The following LMLN variants were observed in gnomAD, a reference collection of about 807,000 sequenced individuals.
LMLN encodes the protein leishmanolysin like peptidase.
Under a neutral mutation model 92.3 loss-of-function variants are expected in LMLN, and 70 were observed. That is an observed-to-expected ratio of 0.76 (90% confidence interval 0.63 to 0.92). The LOEUF is 0.92. Ranked by LOEUF, LMLN falls within the 40% of genes least tolerant of loss-of-function variation. The pLI is 0.00. For missense variants in LMLN, 691 were observed against 814.6 expected, an observed-to-expected ratio of 0.85 and a Z score of 1.85; for synonymous variants, 308 against 296.2, an observed-to-expected ratio of 1.04 and a Z score of -0.41.
At chr3:197,991,303 G>A (rs200704522) in intron 9 of LMLN, among the ~76,000 whole-genome samples, 4 of 151,806 alleles carry the variant, frequency 2.6e-5, no homozygotes, top group Non-Finnish European at 5.9e-5. Context: ...ATGAGGTCTC[G>A]CTATGTTGCC....
intron 11 of LMLN, among the ~76,000 whole-genome samples, chr3:198,001,441 G>C (rs1008959216): frequency 6.6e-6 from 1 of 152,124 alleles, no homozygotes; most frequent in Non-Finnish European, 1.5e-5. Context: ...TGCGCTCATC[G>C]ACATGTACCT....
chr3:198,021,158 A>G (rs1170648953), intron 12 of LMLN, among the ~76,000 whole-genome samples: 1 of 152,188 alleles, frequency 6.6e-6, no homozygotes, highest in Non-Finnish European at 1.5e-5. Context: ...CTTTTTGCTC[A>G]GTGTAATTAA....
chr3:197,966,955 G>C (rs1266978605), intron 1 of LMLN, among the ~76,000 whole-genome samples: 5 of 151,944 alleles, frequency 3.3e-5, no homozygotes, highest in African/African-American at 1.2e-4. Context: ...CACCACACCT[G>C]GTTCATTTAT....
rs573930088 is a variant in LMLN at position 197,991,569 on chromosome 3, G to A, written c.1047+893G>A. ...GGGAGGTCAGTCTTTGTTCTCTTCC[G>A]GCCTTCTCCTGATTGGGTGATGCCT... On this transcript the variant is annotated intron_variant, in intron 9 of 15. Transcript: ENST00000330198. 2.8e-4 allele frequency among the ~76,000 whole-genome samples: 42 copies of A among 152,132 alleles called. 1 individual carries two copies. In the Middle Eastern group the frequency reaches 0.01, roughly 37 times the overall value.
chr3:198,000,576 C>T (rs1560145532), intron 11 of LMLN, among the ~76,000 whole-genome samples: 1 of 152,122 alleles, frequency 6.6e-6, no homozygotes, highest in East Asian at 1.9e-4. Flanking sequence ...TACAGGCGTG[C>T]ATCACCACAC....
rs752577926 is a variant in LMLN at position 197,975,087 on chromosome 3, C to A, written c.348+15C>A. 7 of 1,383,608 alleles carry A rather than the reference C, an allele frequency of 5.1e-6. No homozygotes were observed. In the Admixed American group the frequency reaches 7.7e-5, roughly 15 times the overall value. 85.7% of individuals were successfully genotyped at this position (1,383,608 alleles called of 1,614,324 possible). A position where few individuals can be genotyped will look rare whatever the true frequency, so the allele number is the denominator to read the frequency against. ...ATCTTGTAAAGGTATGTAATAAATA[C>A]TCATAACTTGAATTGGACACTTAAA... is the stretch of plus-strand genomic sequence containing the variant. On this transcript the variant is annotated intron_variant, in intron 3 of 15. Transcript: ENST00000330198.
intron 1 of LMLN, among the ~76,000 whole-genome samples, chr3:197,965,553 A>T (rs1432924261): frequency 6.6e-6 from 1 of 152,046 alleles, no homozygotes; most frequent in Non-Finnish European, 1.5e-5. Context: ...TTCTGTAGTT[A>T]TTGAATATAG....
chr3:198,030,153 A>G (rs1723040476), intron 14 of LMLN, among the ~76,000 whole-genome samples: 1 of 152,124 alleles, frequency 6.6e-6, no homozygotes, highest in Admixed American at 6.5e-5. Context: ...CTGCTTTTTT[A>G]TTTTTAAAAA....
At chr3:198,039,773 C>G (rs1241655568) in exon 16 of LMLN, 1 of 152,148 alleles carries the variant, frequency 6.6e-6, no homozygotes, top group Non-Finnish European at 1.5e-5. Context: ...GCTGGTAGCC[C>G]TCTATTCATC....
At chr3:198,032,113 A>AAAAAG (rs1207045886) in intron 14 of LMLN, among the ~76,000 whole-genome samples, 1 of 151,776 alleles carries the variant, frequency 6.6e-6, no homozygotes, top group Non-Finnish European at 1.5e-5. Context: ...AAAAAAAAAA[A>AAAAAG]AAAAGAAAAG....
intron 14 of LMLN, among the ~76,000 whole-genome samples, chr3:198,028,751 C>T (rs2109948678): frequency 6.6e-6 from 1 of 152,292 alleles, no homozygotes; most frequent in East Asian, 1.9e-4. Flanking sequence ...AAAGCCTTTC[C>T]CAGCCCCGTC....
chr3:198,025,334 T>C lies in LMLN; in HGVS notation c.1656+546T>C, dbSNP rs1293095126. ...TAATAGAGTGTTTTTTCCTTTGTAA[T>C]TAGAAATCCAAAAAGGGCAAACTAC... On this transcript the variant is annotated intron_variant, in intron 14 of 15. Transcript: ENST00000330198. The surrounding 1 kb of genome is among the most constrained non-coding windows in gnomAD (Gnocchi z 4.3). Among the ~76,000 whole-genome samples, 1 of 152,204 alleles carries C rather than the reference T, an allele frequency of 6.6e-6. No homozygotes were observed. Among genetic ancestry groups the C allele is most frequent in the Non-Finnish European group, 1.5e-5 (1 of 68,038 alleles).
At chr3:197,989,844 C>A (rs1721816050) in intron 8 of LMLN, among the ~76,000 whole-genome samples, 2 of 152,142 alleles carry the variant, frequency 1.3e-5, no homozygotes, top group South Asian at 4.1e-4. Context: ...CAAAACATAG[C>A]AGATCTTGTC....
chr3:198,025,434 C>T lies in LMLN; in HGVS notation c.1656+646C>T, dbSNP rs1380946869. Among the ~76,000 whole-genome samples, 1 of 152,062 alleles carries T rather than the reference C, an allele frequency of 6.6e-6. No individual in the cohort carries two copies. Among genetic ancestry groups the T allele is most frequent in the East Asian group, 1.9e-4 (1 of 5,194 alleles). ...TGTCAGCTAGGCTGGAGTGCTGCTG[C>T]AGTCACGGCTCATTATATCCTCTAC... On this transcript the variant is annotated intron_variant, in intron 14 of 15. Coordinates refer to ENST00000330198, the Ensembl canonical transcript of LMLN. This position sits in a 1 kb window ranked among gnomAD's most constrained non-coding sequence, Gnocchi z 4.3.
chr3:197,974,854 A>G (rs1318420189), intron 2 of LMLN, among the ~76,000 whole-genome samples, 188 bp from the exon 3 acceptor site: 6 of 152,258 alleles, frequency 3.9e-5, no homozygotes, highest in Admixed American at 1.3e-4. Context: ...ATGAGAAAGA[A>G]TTAGAAGCAA....
chr3:197,979,971 T>G (rs1255318385), intron 5 of LMLN, among the ~76,000 whole-genome samples: 4 of 152,106 alleles, frequency 2.6e-5, no homozygotes, highest in Admixed American at 2.0e-4. Context: ...CAAAGAAAGT[T>G]GAAAAAAAAG....
At chr3:198,022,090 T>C (rs1279328251) in intron 13 of LMLN, among the ~76,000 whole-genome samples, 2 of 152,236 alleles carry the variant, frequency 1.3e-5, no homozygotes, top group East Asian at 1.9e-4. Context: ...CCATCCTCTT[T>C]TTATTAAAAT....
At position 198,019,276 on chromosome 3, in the gene LMLN, G is replaced by A. The variant is rs1357408520; in HGVS notation, c.1256G>A (p.Cys419Tyr). The change falls in exon 12 of 16, where the codon TGT (cysteine) becomes TAT (tyrosine). Residue 419 changes from cysteine (C) to tyrosine (Y), a missense_variant. Transcript: ENST00000330198. This position sits in a 1 kb window ranked among gnomAD's most constrained non-coding sequence, Gnocchi z 5.5. ...AGGAGACAGATGCTGAGCCCTTACT[G>A]TGACACGCTCAGAAGTAACCCACTG... 1.9e-6 allele frequency: 3 copies of A among 1,613,584 alleles called. No homozygotes were observed. Among genetic ancestry groups the A allele is most frequent in the East Asian group, 2.2e-5 (1 of 44,892 alleles).
chr3:198,028,304 G>A (rs1348251613), intron 14 of LMLN, among the ~76,000 whole-genome samples: 1 of 152,162 alleles, frequency 6.6e-6, no homozygotes, highest in East Asian at 1.9e-4. Context: ...TCACATTAGG[G>A]TTCACTCTGG....
Sources: gnomAD v4.1 joint callset for allele counts (sites outside exome capture counted in the v4.1 genomes callset) on GRCh38, gnomAD v4.1.1 for gene constraint, Gnocchi (gnomAD v3.1) non-coding constraint, MANE v1.5 for transcripts, NCBI Gene and HGNC (gene_info 2026-07-23, HGNC 2026-07-21) for gene names.